The following PTPRN2 variants were observed in gnomAD, a reference collection of about 807,000 sequenced individuals.
The protein encoded by PTPRN2 is receptor-type tyrosine-protein phosphatase N2.
A neutral mutation model predicts 118.8 loss-of-function variants in PTPRN2; 74 were observed. The ratio of observed to expected loss-of-function variants is 0.62; its 90% CI spans 0.52 to 0.76. PTPRN2 has a LOEUF of 0.76. Among genes scored for constraint, PTPRN2 ranks in the 30% least tolerant of loss-of-function variants. The probability of loss-of-function intolerance (pLI) is 0.00; values close to 1 mark genes in which losing one functional copy is unlikely to be tolerated. For missense variants in PTPRN2, 1,481 were observed against 1,394.4 expected (o/e 1.06, Z -0.99); for synonymous variants, 641 against 608.0 (o/e 1.05, Z -0.80).
At chr7:158,149,983 C>G (rs1340807122) in intron 6 of PTPRN2, among the ~76,000 whole-genome samples, 2 of 152,128 alleles carry the variant, frequency 1.3e-5, no homozygotes, top group Non-Finnish European at 2.9e-5. Context: ...CAATTCTTTG[C>G]TGTTTGTTAA....
intron 10 of PTPRN2, among the ~76,000 whole-genome samples, chr7:158,089,669 A>G (rs1328639607): frequency 6.9e-6 from 1 of 144,168 alleles, no homozygotes; most frequent in Non-Finnish European, 1.5e-5. Flanking sequence ...GAGTCTTCAC[A>G]CAAACCTTCT....
At chr7:158,329,650 C>A (rs1199099549) in intron 2 of PTPRN2, among the ~76,000 whole-genome samples, 1 of 152,110 alleles carries the variant, frequency 6.6e-6, no homozygotes, top group Non-Finnish European at 1.5e-5. Flanking sequence ...TTTCTAAGCC[C>A]CGCAATAGGT....
At chr7:158,433,465 G>A (rs1316813210) in intron 2 of PTPRN2, among the ~76,000 whole-genome samples, 1 of 152,068 alleles carries the variant, frequency 6.6e-6, no homozygotes, top group Non-Finnish European at 1.5e-5. Flanking sequence ...TTTGATCACA[G>A]GGTAAAAAAA....
intron 2 of PTPRN2, among the ~76,000 whole-genome samples, chr7:158,484,751 C>T (rs1820881159): frequency 6.6e-6 from 1 of 152,220 alleles, no homozygotes; most frequent in Non-Finnish European, 1.5e-5. Context: ...CAGGTTCCTC[C>T]GCGTCAGTGT....
chr7:157,692,794 G>A (rs1384965419), intron 12 of PTPRN2, among the ~76,000 whole-genome samples: 2 of 152,058 alleles, frequency 1.3e-5, no homozygotes, highest in Non-Finnish European at 2.9e-5. Context: ...ACATCACCTT[G>A]GCCCTCTCGT....
intron 21 of PTPRN2, among the ~76,000 whole-genome samples, chr7:157,559,461 C>G (rs1585030907): frequency 6.6e-6 from 1 of 152,116 alleles, no homozygotes; most frequent in African/African-American, 2.4e-5. Context: ...GAGGGAAGGA[C>G]AGAGTGGGTG....
intron 12 of PTPRN2, among the ~76,000 whole-genome samples, chr7:157,879,536 CACAG>C (rs1433314219): frequency 4.6e-5 from 7 of 152,310 alleles, no homozygotes; most frequent in East Asian, 3.9e-4. Context: ...AAAGCAAAAA[CACAG>C]ACAATTTTAA....
At chr7:158,359,370 A>G in intron 2 of PTPRN2, among the ~76,000 whole-genome samples, 1 of 152,194 alleles carries the variant, frequency 6.6e-6, no homozygotes, top group African/African-American at 2.4e-5. Context: ...ATTGGCCAAG[A>G]GGTCATTTGG....
At chr7:158,132,779 ACACT>A (rs1177813058) in intron 9 of PTPRN2, among the ~76,000 whole-genome samples, 3 of 151,636 alleles carry the variant, frequency 2.0e-5, no homozygotes, top group African/African-American at 7.3e-5. Context: ...TACCCAACAC[ACACT>A]CATATACACA....
intron 11 of PTPRN2, among the ~76,000 whole-genome samples, chr7:157,904,435 G>A (rs1020473578): frequency 1.3e-5 from 2 of 152,174 alleles, no homozygotes; most frequent in African/African-American, 4.8e-5. Flanking sequence ...ACTGTGCTGG[G>A]CACTGACATC....
chr7:158,037,324 G>A (rs1808156519), intron 11 of PTPRN2, among the ~76,000 whole-genome samples: 3 of 152,334 alleles, frequency 2.0e-5, no homozygotes, highest in African/African-American at 7.2e-5. Context: ...CTAACCATGG[G>A]GACATGTTCT....
At chr7:158,147,837 C>A (rs1425762599) in intron 6 of PTPRN2, among the ~76,000 whole-genome samples, 35 of 128,534 alleles carry the variant, frequency 2.7e-4, no homozygotes, top group Non-Finnish European at 3.7e-4. Flanking sequence ...AATGACACCC[C>A]ATCTCACGCC....
intron 3 of PTPRN2, among the ~76,000 whole-genome samples, chr7:158,221,883 GA>G (rs1828405802): frequency 6.6e-6 from 1 of 151,858 alleles, no homozygotes; most frequent in Non-Finnish European, 1.5e-5. Context: ...TATTCAACAA[GA>G]AAAAAGCAGC....
chr7:158,465,722 G>C (rs1005575452), intron 2 of PTPRN2, among the ~76,000 whole-genome samples: 1 of 152,192 alleles, frequency 6.6e-6, no homozygotes. Flanking sequence ...ACACTGCCCT[G>C]AATGCATTGA....
chr7:157,571,396 T>C (rs1320436571), intron 20 of PTPRN2, 44 bp downstream of exon 20: 2 of 1,477,796 alleles, frequency 1.4e-6, no homozygotes, highest in East Asian at 2.3e-5. Flanking sequence ...AGATTAGTTT[T>C]TGAGGTAGCC....
At chr7:157,981,990 CCT>C (rs1423413379) in intron 11 of PTPRN2, among the ~76,000 whole-genome samples, 3 of 150,276 alleles carry the variant, frequency 2.0e-5, no homozygotes, top group Non-Finnish European at 4.5e-5. Flanking sequence ...GCCCAGAACC[CCT>C]GAGTCATAGA....
chr7:158,270,780 ACCACCCCTCCACC>A (rs1798295166), intron 3 of PTPRN2, among the ~76,000 whole-genome samples: 4 of 67,634 alleles, frequency 5.9e-5, no homozygotes, highest in Non-Finnish European at 1.1e-4. Context: ...GTCCACCTGG[ACCACCCCTCCACC>A]TGGACCACCC....
At chr7:157,913,774 G>C (rs1798226233) in intron 11 of PTPRN2, among the ~76,000 whole-genome samples, 1 of 152,080 alleles carries the variant, frequency 6.6e-6, no homozygotes, top group Non-Finnish European at 1.5e-5. Flanking sequence ...CTATGTTTTT[G>C]AGGAAATTTC....
chr7:158,266,076 G>T (rs1797852897), intron 3 of PTPRN2, among the ~76,000 whole-genome samples: 2 of 150,458 alleles, frequency 1.3e-5, no homozygotes, highest in Admixed American at 1.3e-4. Context: ...CTGCTGCGGG[G>T]TATTGTCTGG....
Sources: allele counts gnomAD v4.1 joint callset (sites outside exome capture counted in the v4.1 genomes callset), GRCh38; gene constraint gnomAD v4.1.1; transcripts MANE v1.5; gene names NCBI Gene and HGNC (gene_info 2026-07-23, HGNC 2026-07-21).